SIGLEC10: variants seen among roughly 807,000 people sequenced by gnomAD.
The protein encoded by SIGLEC10 is sialic acid binding Ig like lectin 10, also known as sialic acid-binding Ig-like lectin 10.
Under a neutral mutation model 68.3 loss-of-function variants are expected in SIGLEC10, and 45 were observed. The observed-to-expected ratio is 0.66, with a 90% CI of 0.52 to 0.84. The LOEUF (loss-of-function observed/expected upper bound fraction) is 0.84, where lower values mean the gene tolerates loss of function less well. Ranked by LOEUF, SIGLEC10 falls within the 40% of genes least tolerant of loss-of-function variation. The pLI is 0.00. For missense variants in SIGLEC10, 789 were observed against 883.1 expected, an observed-to-expected ratio of 0.89 and a Z score of 1.35; for synonymous variants, 379 against 370.8, an observed-to-expected ratio of 1.02 and a Z score of -0.26.
rs369952846 is a variant in SIGLEC10, at chr19:51,415,410, A to G, written c.1101T>C (p.Ser367=). The change falls in exon 7 of 11, where the codon TCT becomes TCC. Residue 367 remains serine (S), a synonymous_variant. Coordinates refer to ENST00000339313, the MANE Select transcript of SIGLEC10 (RefSeq NM_033130.5). ...GGCTTTGGCCCTCCAGTACTGGGAG[A>G]GACGTGCCGTTCCCAAGGTTTTCCA... ...TVLENLGNGT[S]LPVLEGQSLC... 199 of 1,605,518 alleles carry G rather than the reference A, an allele frequency of 1.2e-4. No individual in the cohort carries two copies. The highest frequency in any genetic ancestry group is 1.6e-4 in the Non-Finnish European group (185 of 1,175,152).
At position 51,414,412 on chromosome 19, in the gene SIGLEC10, C is replaced by T. The variant is rs1988339518; in HGVS notation, c.1709+10G>A. 1.9e-6 allele frequency: 3 copies of T among 1,612,580 alleles called. No homozygotes were observed. Among genetic ancestry groups the T allele is most frequent in the East Asian group, 2.2e-5 (1 of 44,856 alleles). On this transcript the variant is annotated intron_variant, in intron 9 of 10. Transcript: ENST00000339313. This position sits in a 1 kb window ranked among gnomAD's most constrained non-coding sequence, Gnocchi z 4.1. ...GGCCCCAGACCCCGCCACGCCTCCT[C>T]TTAACCTACATGATCAGGGCCAGGC...
rs117719547 is a variant in SIGLEC10, at chr19:51,410,438, T to G, written c.*661A>C. The G allele has an allele frequency of 0.031, 4,712 of 152,438 alleles. 100 individuals are homozygous for G. The highest frequency in any genetic ancestry group is 0.055 in the South Asian group (266 of 4,828). The allele number at this position is 152,438 out of a possible 1,614,324, so 9.4% of individuals were successfully genotyped here. A position where few individuals can be genotyped will look rare whatever the true frequency, so the allele number is the denominator to read the frequency against. On this transcript the variant is annotated 3_prime_UTR_variant, in exon 11 of 11. Coordinates refer to ENST00000339313, the MANE Select transcript of SIGLEC10 (RefSeq NM_033130.5). The stretch of plus-strand genomic sequence containing the variant: ...CAGCCCAGTAGGTCTCAGCCTCATT[T>G]TATTCAGCTCCTATTCCAGATGGAG...
At position 51,417,392 on chromosome 19, in the gene SIGLEC10, G is replaced by A. The variant is rs1471756971; in HGVS notation, c.111C>T (p.Ile37=). 1.2e-6 allele frequency: 2 copies of A among 1,614,088 alleles called. No individual in the cohort carries two copies. Among genetic ancestry groups the A allele is most frequent in the Non-Finnish European group, 1.7e-6 (2 of 1,180,050 alleles). ...GGTAGGAGAAAGAGCAGGGCACAGA[G>A]ATGCACAGGCCCTCCGGCACCATCA... The part of the protein sequence containing the change: ...ESVMVPEGLC[I]SVPCSFSYPR... The change falls in exon 2 of 11, where the codon ATC becomes ATT. Residue 37 remains isoleucine (I), a synonymous_variant. Transcript: ENST00000339313.
At chr19:51,412,118 G>C (rs1045455054) in intron 10 of SIGLEC10, among the ~76,000 whole-genome samples, 5 of 152,010 alleles carry the variant, frequency 3.3e-5, no homozygotes, top group African/African-American at 1.2e-4. Context: ...CTCCAGCCTA[G>C]ACAACAACAG....
Position 51,416,933 on chromosome 19 carries a change from C to G in SIGLEC10, c.439G>C (p.Asp147His), listed in dbSNP as rs1988749027. The change falls in exon 3 of 11, where the codon GAT becomes CAT. Residue 147 changes from aspartate to histidine, a missense_variant. Coordinates refer to ENST00000339313, the MANE Select transcript of SIGLEC10 (RefSeq NM_033130.5). ...TCCAGGGTCTCGGGGATGTAGACAT[C>G]AGGCTTCTGAGTCAGGGCTGGGACA... Reference protein sequence around the residue: ...LKVTALTQKPDVYIPETLEPG... With the variant: ...LKVTALTQKPHVYIPETLEPG... 1 of 1,612,660 alleles carries G rather than the reference C, an allele frequency of 6.2e-7. No individual in the cohort carries two copies. The highest frequency in any genetic ancestry group is 1.1e-5 in the South Asian group (1 of 90,942).
chr19:51,413,584 G>A, intron 10 of SIGLEC10, 128 bp downstream of exon 10: 1 of 785,344 alleles, frequency 1.3e-6, no homozygotes, highest in South Asian at 1.7e-5. Flanking sequence ...GTGCCAGGCA[G>A]GATTTGAATT....
intron 10 of SIGLEC10, among the ~76,000 whole-genome samples, chr19:51,413,010 C>T (rs1276610519): frequency 2.6e-5 from 4 of 151,978 alleles, no homozygotes; most frequent in East Asian, 1.9e-4. Context: ...TGGTTTTGGA[C>T]AGGCTAAGTT....
At chr19:51,416,474 G>A (rs572510334) in intron 3 of SIGLEC10, 117 bp from the exon 4 acceptor site, 15 of 1,603,664 alleles carry the variant, frequency 9.4e-6, no homozygotes, top group African/African-American at 5.4e-5. Context: ...GACAACCAGC[G>A]CCAGGGCTCA....
chr19:51,414,815 C>A lies in SIGLEC10; in HGVS notation c.1615+9G>T. On this transcript the variant is annotated intron_variant, in intron 8 of 10. Coordinates refer to ENST00000339313, the MANE Select transcript of SIGLEC10 (RefSeq NM_033130.5). The surrounding 1 kb of genome is among the most constrained non-coding windows in gnomAD (Gnocchi z 4.1). Reference sequence around the variant, plus strand: ...TCCAAGAACCTTGGCATCCAGGCGGCCCCCTAACCTGGCAGCTGCAGGATG... The same window carrying A: ...TCCAAGAACCTTGGCATCCAGGCGGACCCCTAACCTGGCAGCTGCAGGATG... 1.9e-6 allele frequency: 3 copies of A among 1,611,812 alleles called. No individual in the cohort carries two copies.
intron 4 of SIGLEC10, 34 bp from the exon 5 acceptor site, chr19:51,416,201 G>C (rs78873431): frequency 6.2e-7 from 1 of 1,605,878 alleles, no homozygotes; most frequent in East Asian, 2.2e-5. Context: ...AAGAGAGAAA[G>C]GGAGGGAGAA....
Position 51,414,702 on chromosome 19 carries a change from C to T in SIGLEC10, c.1615+122G>A. ...AGGACTTCCCATTGTGTTTTCCTGT[C>T]TACATACAGATGCCACGGGTCTGCT... On this transcript the variant is annotated intron_variant, in intron 8 of 10. Transcript: ENST00000339313. This position sits in a 1 kb window ranked among gnomAD's most constrained non-coding sequence, Gnocchi z 4.1. The T allele has an allele frequency of 6.6e-7, 1 of 1,505,544 alleles. No individual in the cohort carries two copies. Among genetic ancestry groups the T allele is most frequent in the Non-Finnish European group, 9.1e-7 (1 of 1,094,212 alleles). 93.3% of individuals were successfully genotyped at this position (1,505,544 alleles called of 1,614,324 possible).
At position 51,417,323 on chromosome 19, in the gene SIGLEC10, C is replaced by G; in HGVS notation, c.180G>C (p.Trp60Cys). 1 of 1,614,236 alleles carries G rather than the reference C, an allele frequency of 6.2e-7. No individual in the cohort carries two copies. Among genetic ancestry groups the G allele is most frequent in the Non-Finnish European group, 8.5e-7 (1 of 1,180,038 alleles). ...WTGSTPAYGY[W>C]FKAVTETTKG... Reference sequence around the variant, plus strand: ...TGGTTGTCTCAGTCACTGCTTTGAACCAGTAGCCATAAGCTGGGGTAGACC... The same window carrying G: ...TGGTTGTCTCAGTCACTGCTTTGAAGCAGTAGCCATAAGCTGGGGTAGACC... The change falls in exon 2 of 11, where the codon TGG becomes TGC. Residue 60 changes from tryptophan to cysteine, a missense_variant. Transcript: ENST00000339313.
rs765803556 is a variant in SIGLEC10, at chr19:51,413,841, C to T, written c.1710-18G>A. 8.7e-6 allele frequency: 14 copies of T among 1,602,334 alleles called. No homozygotes were observed. Among genetic ancestry groups the T allele is most frequent in the Middle Eastern group, 1.7e-4 (1 of 6,060 alleles). Reference sequence around the variant, plus strand: ...TCTTCATGCTGAGGAAATGAACCCACCTGTTTGTGCCCTGCTGCACCTCCC... The same window carrying T: ...TCTTCATGCTGAGGAAATGAACCCATCTGTTTGTGCCCTGCTGCACCTCCC... On this transcript the variant is annotated intron_variant, in intron 9 of 10. Transcript: ENST00000339313.
chr19:51,413,289 G>C (rs543472243), intron 10 of SIGLEC10, among the ~76,000 whole-genome samples: 3 of 152,238 alleles, frequency 2.0e-5, no homozygotes, highest in Admixed American at 1.3e-4. Context: ...GAGAAGTTAA[G>C]ACACTTGTTT....
At chr19:51,412,825 TG>T (rs746265997) in intron 10 of SIGLEC10, among the ~76,000 whole-genome samples, 16 of 151,724 alleles carry the variant, frequency 1.1e-4, no homozygotes, top group Non-Finnish European at 2.1e-4. Flanking sequence ...CTGGAGTGCA[TG>T]GTGTCATCAT....
At chr19:51,416,443 G>C in intron 3 of SIGLEC10, 86 bp from the exon 4 acceptor site, 1 of 1,611,738 alleles carries the variant, frequency 6.2e-7, no homozygotes, top group East Asian at 2.2e-5. Context: ...AAGAAAGTGG[G>C]ACTATCCCGG....
intron 9 of SIGLEC10, 110 bp from the exon 10 acceptor site, chr19:51,413,933 G>T: frequency 2.5e-6 from 2 of 795,134 alleles, no homozygotes; most frequent in South Asian, 1.5e-5. Flanking sequence ...TACCACTTGA[G>T]ACCGTCATTA....
rs754468151 is a variant in SIGLEC10, at chr19:51,416,738, C to T, written c.634G>A (p.Asp212Asn). The change falls in exon 3 of 11, where the codon GAC (aspartate) becomes AAC (asparagine). Residue 212 changes from aspartate to asparagine, a missense_variant. By Grantham distance (23) the Asp-to-Asn change is conservative. Coordinates refer to ENST00000339313, the MANE Select transcript of SIGLEC10 (RefSeq NM_033130.5). ...FTPRPQDHNT[D>N]LTCHVDFSRK... ...GAGAAGTCCACATGGCAGGTGAGGTCGGTGTTGTGGTCCTGGGGTCTGGGC... is the reference window on the plus strand; with the variant it reads ...GAGAAGTCCACATGGCAGGTGAGGTTGGTGTTGTGGTCCTGGGGTCTGGGC... 2.5e-5 allele frequency: 41 copies of T among 1,614,050 alleles called. No homozygotes were observed. In the Admixed American group the frequency reaches 2.8e-4, roughly 11 times the overall value.
chr19:51,413,911 A>G (rs1988252037), intron 9 of SIGLEC10, 88 bp from the exon 10 acceptor site: 3 of 979,372 alleles, frequency 3.1e-6, no homozygotes, highest in Non-Finnish European at 4.9e-6. Context: ...TCACTATGAC[A>G]GTTACTACTG....
Sources: gnomAD v4.1 joint callset for allele counts (sites outside exome capture counted in the v4.1 genomes callset) on GRCh38, gnomAD v4.1.1 for gene constraint, Gnocchi (gnomAD v3.1) non-coding constraint, MANE v1.5 for transcripts, NCBI Gene and HGNC (gene_info 2026-07-23, HGNC 2026-07-21) for gene names.